Variants in MYOF observed in about 807,000 individuals in gnomAD.
MYOF encodes fer-1-like 3, myoferlin.
MYOF carries 244 observed loss-of-function variants against 284.2 expected under a neutral mutation model. The ratio of observed to expected loss-of-function variants is 0.86; its 90% CI spans 0.77 to 0.95. The LOEUF (loss-of-function observed/expected upper bound fraction) is 0.95. Among genes scored for constraint, MYOF ranks in the 40% least tolerant of loss-of-function variants. The pLI is 0.00. For synonymous variants in MYOF, 904 were observed against 919.7 expected (o/e 0.98, Z 0.31); for missense variants, 2,496 against 2,560.6 (o/e 0.97, Z 0.54).
chr10:93,375,502 G>A (rs1255990173), intron 22 of MYOF, among the ~76,000 whole-genome samples: 1 of 152,218 alleles, frequency 6.6e-6, no homozygotes, highest in Non-Finnish European at 1.5e-5. Flanking sequence ...CATAGGCTTT[G>A]GAGCCAACAA....
At chr10:93,478,449 C>T (rs1455426022) in intron 1 of MYOF, 1 of 157,694 alleles carries the variant, frequency 6.3e-6, no homozygotes, top group African/African-American at 2.4e-5. Flanking sequence ...TGCTGAACAT[C>T]ACCAACAACC....
At chr10:93,478,262 C>A in intron 1 of MYOF, 1 of 264,688 alleles carries the variant, frequency 3.8e-6, no homozygotes, top group Non-Finnish European at 7.5e-6. Flanking sequence ...AGTCTAATCT[C>A]AGCTAGATTC....
intron 21 of MYOF, 60 bp downstream of exon 21, chr10:93,379,803 A>C (rs1278552326): frequency 1.1e-5 from 17 of 1,601,220 alleles, no homozygotes; most frequent in Middle Eastern, 1.7e-4. Context: ...CCTGGCCTCC[A>C]TCCTAATACC....
At chr10:93,324,959 T>C (rs1002841667) in intron 46 of MYOF, among the ~76,000 whole-genome samples, 1 of 152,046 alleles carries the variant, frequency 6.6e-6, no homozygotes, top group Non-Finnish European at 1.5e-5. Flanking sequence ...TTTGTATTTT[T>C]AGTAGAGACA....
chr10:93,402,835 T>G lies in MYOF; in HGVS notation c.874+25A>C, dbSNP rs758495248. 8.1e-6 allele frequency: 13 copies of G among 1,597,472 alleles called. No homozygotes were observed. In the South Asian group the frequency reaches 1.4e-4, roughly 18 times the overall value. On this transcript the variant is annotated intron_variant, in intron 10 of 53. Coordinates refer to ENST00000359263, the MANE Select transcript of MYOF (RefSeq NM_013451.4). ...TAGAAGGAATGAATTTAAGACTTCA[T>G]ATTGATGGGGAGAACATTACTTACC...
chr10:93,366,830 T>C lies in MYOF; in HGVS notation c.2590-275A>G, dbSNP rs572161485. Among the ~76,000 whole-genome samples the C allele has an allele frequency of 2.0e-5, 3 of 152,354 alleles. No homozygotes were observed. In the East Asian group the frequency reaches 5.8e-4, roughly 29 times the overall value. ...TCATTCTGGAGTTTAAATGTGCAAA[T>C]GATTGCGAACGTGCTTTGTAAATAG... On this transcript the variant is annotated intron_variant, in intron 25 of 53. Transcript: ENST00000359263.
At chr10:93,391,893 A>G (rs1287929913) in intron 17 of MYOF, among the ~76,000 whole-genome samples, 4 of 152,318 alleles carry the variant, frequency 2.6e-5, no homozygotes, top group African/African-American at 9.6e-5. Context: ...TTTAGTTTCT[A>G]GAATCCTACA....
chr10:93,435,906 A>AAAT (rs35316662), intron 3 of MYOF, among the ~76,000 whole-genome samples: 76,061 of 148,862 alleles, frequency 0.51, 22,569 homozygotes, highest in Non-Finnish European at 0.67. Flanking sequence ...CTTGTCTCAA[A>AAAT]AATAATAATA....
rs1376781682 is a variant in MYOF at position 93,373,003 on chromosome 10, T to G, written c.2384A>C (p.Gln795Pro). Reference protein sequence around the residue: ...RLAYARIPAHQVLYSTSGENA... With the variant: ...RLAYARIPAHPVLYSTSGENA... ...CTCACCACTGGTGGAGTACAAGACC[T>G]GATGTGCGGGAATTCGTGCATAGGC... Residue 795 changes from glutamine to proline, a missense_variant, in exon 24 of 54, where the codon CAG (glutamine) becomes CCG (proline). Physicochemically the swap from Gln to Pro is moderately conservative, Grantham distance 76 (BLOSUM62 -1). Coordinates refer to ENST00000359263, the MANE Select transcript of MYOF (RefSeq NM_013451.4). 3.1e-6 allele frequency: 5 copies of G among 1,614,216 alleles called. No homozygotes were observed. Among genetic ancestry groups the G allele is most frequent in the Non-Finnish European group, 3.4e-6 (4 of 1,180,024 alleles).
At chr10:93,362,805 T>G (rs4919057) in intron 27 of MYOF, among the ~76,000 whole-genome samples, 21,101 of 152,148 alleles carry the variant, frequency 0.14, 2,979 homozygotes, top group East Asian at 0.74. Flanking sequence ...AGCGGGATGA[T>G]GAATATTTAG....
intron 17 of MYOF, among the ~76,000 whole-genome samples, chr10:93,391,384 G>A (rs1846667706): frequency 1.3e-5 from 2 of 151,766 alleles, no homozygotes; most frequent in Non-Finnish European, 2.9e-5. Context: ...TGAGGTTCAG[G>A]AGTTCTAGAC....
chr10:93,325,958 G>A lies in MYOF; in HGVS notation c.5139C>T (p.Asn1713=). ...CCCCGAGGTGCTGGTGCAGGATTTT[G>A]TTGGCTTCTGCAATGGAAAGCAGCA... ...RDYSLDEFEA[N]KILHQHLGAP... Residue 1713 remains asparagine, a synonymous_variant, in exon 46 of 54, where the codon AAC becomes AAT. Coordinates refer to ENST00000359263, the MANE Select transcript of MYOF (RefSeq NM_013451.4). The A allele has an allele frequency of 6.2e-7, 1 of 1,614,022 alleles. No homozygotes were observed. Among genetic ancestry groups the A allele is most frequent in the South Asian group, 1.1e-5 (1 of 91,064 alleles).
chr10:93,467,722 C>G (rs893048021), intron 1 of MYOF, among the ~76,000 whole-genome samples: 1 of 152,154 alleles, frequency 6.6e-6, no homozygotes, highest in Non-Finnish European at 1.5e-5. Flanking sequence ...TTGGAACCAA[C>G]CCAAATGTCC....
At chr10:93,438,505 A>C (rs745377471) in intron 3 of MYOF, among the ~76,000 whole-genome samples, 29 of 152,078 alleles carry the variant, frequency 1.9e-4, no homozygotes, top group Admixed American at 4.6e-4. Flanking sequence ...TCGTCTCCCA[A>C]AACATTTCTC....
intron 40 of MYOF, 44 bp from the exon 41 acceptor site, chr10:93,336,090 G>A (rs749946848): frequency 1.3e-6 from 2 of 1,597,770 alleles, no homozygotes; most frequent in South Asian, 1.1e-5. Context: ...TAAAATGCAG[G>A]TAAGGTCTAA....
intron 16 of MYOF, among the ~76,000 whole-genome samples, chr10:93,394,801 G>C (rs140594384): frequency 6.7e-6 from 1 of 150,172 alleles, no homozygotes; most frequent in Admixed American, 6.6e-5. Context: ...CACTTCTGGA[G>C]AGAGGAAATC....
intron 21 of MYOF, among the ~76,000 whole-genome samples, chr10:93,378,987 A>G (rs1845990233): frequency 2.0e-5 from 3 of 152,002 alleles, no homozygotes; most frequent in Admixed American, 2.0e-4. Flanking sequence ...AAGTGCTGGG[A>G]TTACTGGCGT....
chr10:93,361,926 G>A (rs1033749655), intron 27 of MYOF, among the ~76,000 whole-genome samples: 1 of 152,170 alleles, frequency 6.6e-6, no homozygotes, highest in Non-Finnish European at 1.5e-5. Flanking sequence ...CAGAGAATGG[G>A]TAAAACATTC....
In MYOF at chr10:93,402,860, C is replaced by T; in HGVS notation, c.874G>A (p.Gly292Ser). The T allele has an allele frequency of 1.2e-6, 2 of 1,610,606 alleles. No homozygotes were observed. The highest frequency in any genetic ancestry group is 8.5e-7 in the Non-Finnish European group (1 of 1,177,214). Residue 292 changes from glycine (G) to serine (S), a missense_variant and splice_region_variant, in exon 10 of 54, where the codon GGC becomes AGC. Physicochemically the swap from Gly to Ser is moderately conservative, Grantham distance 56 (BLOSUM62 0). Transcript: ENST00000359263. Reference protein sequence around the residue: ...IDVGFVYDEPGHAVMRKWLLL... With the variant: ...IDVGFVYDEPSHAVMRKWLLL... ...TATTGATGGGGAGAACATTACTTAC[C>T]AGGTTCATCATAAACAAATCCAACA... is the stretch of plus-strand genomic sequence containing the variant.
Sources: gnomAD v4.1 joint callset for allele counts (sites outside exome capture counted in the v4.1 genomes callset) on GRCh38, gnomAD v4.1.1 for gene constraint, MANE v1.5 for transcripts, NCBI Gene and HGNC (gene_info 2026-07-23, HGNC 2026-07-21) for gene names.